Variants in HELZ2 observed in about 807,000 individuals in gnomAD.
The protein encoded by HELZ2 is 3'-5' exoribonuclease HELZ2.
A neutral mutation model predicts 208.8 loss-of-function variants in HELZ2; 143 were observed. The ratio of observed to expected loss-of-function variants is 0.68; its 90% CI spans 0.60 to 0.79. The LOEUF (loss-of-function observed/expected upper bound fraction) is 0.79, where lower values mean the gene tolerates loss of function less well. Among genes scored for constraint, HELZ2 ranks in the 30% least tolerant of loss-of-function variants. HELZ2 has a pLI of 0.00. For synonymous variants in HELZ2, 1,705 were observed against 1,693.7 expected (o/e 1.01, Z -0.16); for missense variants, 3,690 against 3,794.5 (o/e 0.97, Z 0.72).
chr20:63,567,407 C>T (rs1410915657), exon 6 of HELZ2: 5 of 1,579,834 alleles, frequency 3.2e-6, no homozygotes, highest in Non-Finnish European at 4.3e-6. Context: ...AGCTCACGGG[C>T]CTGGGAGGTG....
rs1298303953 is a variant in HELZ2, at chr20:63,564,824, C to T, written c.3998G>A (p.Arg1333His). Residue 1333 changes from arginine (R) to histidine (H), a missense_variant, in exon 8 of 19, where the codon CGC (arginine) becomes CAC (histidine). By Grantham distance (29) the Arg-to-His change is conservative. Transcript: ENST00000467148. ...CAAGAAGGCGCGGCAGTCCTCTCGG[C>T]GGCCGGCAACCCGGCCAAGCTCCGT... 2.0e-5 allele frequency: 33 copies of T among 1,610,092 alleles called. No homozygotes were observed. Among genetic ancestry groups the T allele is most frequent in the South Asian group, 4.4e-5 (4 of 91,036 alleles).
At chr20:63,568,966 C>T (rs750752278) in exon 5 of HELZ2, 28 of 1,603,810 alleles carry the variant, frequency 1.7e-5, no homozygotes, top group African/African-American at 8.0e-5. Context: ...TCTGCAATGC[C>T]GTCTTCAGGA....
exon 1 of HELZ2, chr20:63,572,311 G>A (rs761333485): frequency 2.4e-5 from 38 of 1,585,710 alleles, no homozygotes; most frequent in African/African-American, 1.7e-4. Flanking sequence ...TGCGCCCGTC[G>A]CCATCAGGGG....
chr20:63,571,918 C>T (rs2083019012), intron 1 of HELZ2, 190 bp downstream of exon 2: 3 of 482,736 alleles, frequency 6.2e-6, no homozygotes, highest in Non-Finnish European at 1.0e-5. Context: ...TGGTGGGCTC[C>T]TGCGCTACTC....
chr20:63,563,510 A>C, exon 8 of HELZ2: 1 of 1,513,620 alleles, frequency 6.6e-7, no homozygotes, highest in Non-Finnish European at 8.8e-7. Context: ...GCCGTAGGGG[A>C]CGGGGCAGGG....
At position 63,562,275 on chromosome 20, in the gene HELZ2, G is replaced by T; in HGVS notation, c.6397+13C>A. ...GGGCCAGAGGGGAAGCTGGAGGGGTGGGGCAGACCTACCTCTGCAGAGGGG... is the reference window on the plus strand; with the variant it reads ...GGGCCAGAGGGGAAGCTGGAGGGGTTGGGCAGACCTACCTCTGCAGAGGGG... On this transcript the variant is annotated intron_variant, in intron 9 of 18. Transcript: ENST00000467148. 6.3e-6 allele frequency: 10 copies of T among 1,596,560 alleles called. No individual in the cohort carries two copies. Among genetic ancestry groups the T allele is most frequent in the East Asian group, 2.2e-5 (1 of 44,472 alleles).
chr20:63,559,335 G>A lies in HELZ2; in HGVS notation c.7861C>T (p.Arg2621Cys), dbSNP rs201141635. Residue 2621 changes from arginine to cysteine, a missense_variant, in exon 19 of 19, where the codon CGT (arginine) becomes TGT (cysteine). Around this residue, in one of 3 missense-constraint regions of HELZ2, gnomAD observed 2,564 missense variants for 2,580.5 expected, o/e 0.99. Transcript: ENST00000467148. ...GCCTCGCAGAAGTCCAGGAGGCTAC[G>A]CCAGAGGGGGCAGCAGCGCAGAAGG... 343 of 1,602,636 alleles carry A rather than the reference G, an allele frequency of 2.1e-4. 1 individual carries two copies. The highest frequency in any genetic ancestry group is 2.0e-3 in the Admixed American group (118 of 59,120).
chr20:63,565,457 A>C (rs1465935786), exon 8 of HELZ2: 1 of 1,608,746 alleles, frequency 6.2e-7, no homozygotes, highest in East Asian at 2.2e-5. Flanking sequence ...CTCCGCGTGC[A>C]GCAGCTTCCG....
In HELZ2 at chr20:63,562,568, G is replaced by T. The variant is rs372444570; in HGVS notation, c.6254C>A (p.Pro2085Gln). The T allele has an allele frequency of 1.4e-5, 22 of 1,597,842 alleles. No homozygotes were observed. The African/African-American group carries it at 1.6e-4, about 12-fold the overall frequency. Residue 2085 changes from proline (P) to glutamine (Q), a missense_variant, in exon 8 of 19, where the codon CCG (proline) becomes CAG (glutamine). Pro to Gln is a moderately conservative substitution (Grantham distance 76). Transcript: ENST00000467148. ...CAGCTCAACGGTGAACAGGGTGCCCGGCCTCAGCACCTCTTCCGGAACCTT... is the reference window on the plus strand; with the variant it reads ...CAGCTCAACGGTGAACAGGGTGCCCTGCCTCAGCACCTCTTCCGGAACCTT...
chr20:63,571,903 G>A, intron 1 of HELZ2: 1 of 399,234 alleles, frequency 2.5e-6, no homozygotes, highest in Non-Finnish European at 4.2e-6. Context: ...CTCTGGCTCT[G>A]CCTGTGGTGG....
rs1208671244 is a variant in HELZ2, at chr20:63,562,746, G to GC, written c.6075dup (p.Pro2026AlafsTer11). ...TTCAGGCCAGGGCCGAGGCTGCTGG[G>GC]CCCAGGGCGTGGGCTGGCCGTGGGA... On this transcript the variant is annotated frameshift_variant, in exon 8 of 19. Transcript: ENST00000467148. LOFTEE classifies it high-confidence loss of function. The GC allele has an allele frequency of 2.5e-6, 4 of 1,603,808 alleles. No homozygotes were observed. The South Asian group carries it at 4.5e-5, about 18-fold the overall frequency.
At chr20:63,561,371 A>G (rs758710323) in exon 13 of HELZ2, 1 of 1,613,004 alleles carries the variant, frequency 6.2e-7, no homozygotes, top group Non-Finnish European at 8.5e-7. Flanking sequence ...CTCCCTGGAG[A>G]AGAGCTCCCC....
rs138788557 is a variant in HELZ2 at position 63,567,023 on chromosome 20, G to C, written c.2335C>G (p.Pro779Ala). Residue 779 changes from proline to alanine, a missense_variant, in exon 6 of 19, where the codon CCG (proline) becomes GCG (alanine). Pro to Ala is a conservative substitution (Grantham distance 27). Coordinates refer to ENST00000467148, the Ensembl canonical transcript of HELZ2. ...CCCGCCACGTGGCAGAACATGAGCG[G>C]GTAGTGCCGGGGGTGGGGCGGAACC... 48 of 1,611,228 alleles carry C rather than the reference G, an allele frequency of 3.0e-5. No homozygotes were observed. In the African/African-American group the frequency reaches 5.7e-4, roughly 19 times the overall value.
At chr20:63,572,530 G>A (rs188546415), upstream of HELZ2, 14,539 of 904,992 alleles carry the variant, frequency 0.016, 135 homozygotes, top group Non-Finnish European at 0.02. Context: ...GGCGGCCCTC[G>A]GCGCTCACGT....
At chr20:63,561,056 G>C in intron 14 of HELZ2, 26 bp downstream of exon 15, 1 of 1,602,456 alleles carries the variant, frequency 6.2e-7, no homozygotes, top group Non-Finnish European at 8.5e-7. Context: ...GCCTGCTCAT[G>C]CTGCCCACAC....
At chr20:63,568,484 C>T in exon 5 of HELZ2, 3 of 1,589,622 alleles carry the variant, frequency 1.9e-6, no homozygotes, top group East Asian at 4.5e-5. Flanking sequence ...GGGGACACGC[C>T]TCCCATCCCC....
chr20:63,562,667 TC>T lies in HELZ2; in HGVS notation c.6154del (p.Asp2052ThrfsTer32). 6.3e-7 allele frequency: 1 copy of T among 1,597,890 alleles called. No homozygotes were observed. Among genetic ancestry groups the T allele is most frequent in the South Asian group, 1.1e-5 (1 of 88,652 alleles). ...CTGCCGGTCTGCCCGGCGCTCCTGG[TC>T]CCAGTCCTGCGTCTGCCCGTGGGCC... On this transcript the variant is annotated frameshift_variant, in exon 8 of 19. Transcript: ENST00000467148. LOFTEE classifies it high-confidence loss of function.
At chr20:63,560,121 C>T (rs753186647) in intron 17 of HELZ2, 26 bp from the exon 19 acceptor site, 10 of 1,564,772 alleles carry the variant, frequency 6.4e-6, no homozygotes, top group East Asian at 2.4e-5. Context: ...TGAGGCCCTG[C>T]TGCCGCTGCG....
upstream of HELZ2, among the ~76,000 whole-genome samples, chr20:63,573,571 C>T (rs1400802956): frequency 6.6e-6 from 1 of 152,156 alleles, no homozygotes; most frequent in Non-Finnish European, 1.5e-5. This position sits in a 1 kb window ranked among gnomAD's most constrained non-coding sequence, Gnocchi z 4.9. Flanking sequence ...CAGGAGGCCG[C>T]ACCCCTCTGC....
Sources: allele counts gnomAD v4.1 joint callset (sites outside exome capture counted in the v4.1 genomes callset), GRCh38; gene constraint gnomAD v4.1.1; regional missense constraint gnomAD v4.1.1; non-coding constraint Gnocchi (gnomAD v3.1); transcripts MANE v1.5; gene names NCBI Gene and HGNC (gene_info 2026-07-23, HGNC 2026-07-21).